ASAP1: variants seen among roughly 807,000 people sequenced by gnomAD.
The protein encoded by ASAP1 is ArfGAP with SH3 domain, ankyrin repeat and PH domain 1, also known as arf-GAP with SH3 domain, ANK repeat and PH domain-containing protein 1.
In ASAP1, 43 loss-of-function variants were observed where a neutral mutation model predicts 145.2. The ratio of observed to expected loss-of-function variants is 0.30; its 90% CI spans 0.23 to 0.38. The LOEUF is 0.38. Ranked by LOEUF, ASAP1 falls within the 10% of genes least tolerant of loss-of-function variation. The pLI, the probability that ASAP1 is intolerant of heterozygous loss-of-function variation, is 1.00. For synonymous variants in ASAP1, 546 were observed against 515.5 expected (o/e 1.06, Z -0.80); for missense variants, 1,018 against 1,355.3 (o/e 0.75, Z 3.91).
At chr8:130,204,777 A>T (rs1034139051) in intron 5 of ASAP1, among the ~76,000 whole-genome samples, 3 of 152,206 alleles carry the variant, frequency 2.0e-5, no homozygotes, top group Non-Finnish European at 4.4e-5. Context: ...ATGTCACACG[A>T]GAAGAAAATA....
chr8:130,260,847 T>C (rs1404409188), intron 3 of ASAP1, among the ~76,000 whole-genome samples: 2 of 152,198 alleles, frequency 1.3e-5, no homozygotes, highest in African/African-American at 4.8e-5. Context: ...CTGAAGATTT[T>C]TGGGAGAAAG....
intron 3 of ASAP1, among the ~76,000 whole-genome samples, chr8:130,296,550 C>T (rs2137364973): frequency 6.7e-6 from 1 of 149,450 alleles, no homozygotes; most frequent in South Asian, 2.1e-4. Flanking sequence ...CCATGTTTTG[C>T]CCTGCTGAGG....
chr8:130,105,766 G>A (rs750525219), intron 24 of ASAP1, among the ~76,000 whole-genome samples: 1 of 152,198 alleles, frequency 6.6e-6, no homozygotes, highest in Non-Finnish European at 1.5e-5. Flanking sequence ...GGACACTAGT[G>A]TAAGTCAGCA....
chr8:130,072,830 C>CGCACGCGCGCGCG (rs1448184178), intron 27 of ASAP1, among the ~76,000 whole-genome samples: 1 of 31,922 alleles, frequency 3.1e-5, no homozygotes, highest in East Asian at 1.6e-3. Flanking sequence ...TGTGTGCGCG[C>CGCACGCGCGCGCG]GGGGGGGGGC....
chr8:130,080,123 C>T (rs2097475725), intron 25 of ASAP1, 152 bp from the exon 26 acceptor site: 2 of 679,664 alleles, frequency 2.9e-6, no homozygotes, highest in Non-Finnish European at 5.2e-6. Context: ...TGGCCTAAGA[C>T]CAAAACAAAA....
intron 2 of ASAP1, among the ~76,000 whole-genome samples, chr8:130,399,481 G>T (rs1828678422): frequency 2.0e-5 from 3 of 152,034 alleles, no homozygotes; most frequent in Non-Finnish European, 2.9e-5. Flanking sequence ...ATGACTTTGG[G>T]TAATCCTATA....
intron 2 of ASAP1, among the ~76,000 whole-genome samples, chr8:130,374,034 TAAAAAAAAAAAA>T (rs34199624): frequency 1.1e-5 from 1 of 94,402 alleles, no homozygotes; most frequent in Non-Finnish European, 2.0e-5. Flanking sequence ...TAACTCCCTT[TAAAAAAAAAAAA>T]AAAAAAAAAA....
At chr8:130,267,468 G>A (rs1181812995) in intron 3 of ASAP1, among the ~76,000 whole-genome samples, 1 of 152,110 alleles carries the variant, frequency 6.6e-6, no homozygotes, top group African/African-American at 2.4e-5. Flanking sequence ...CAATGAGATG[G>A]GAATAAGAAT....
chr8:130,106,124 G>A (rs867769260), intron 24 of ASAP1, among the ~76,000 whole-genome samples: 2 of 152,082 alleles, frequency 1.3e-5, no homozygotes, highest in African/African-American at 2.4e-5. Context: ...GGTGATTCAC[G>A]TGCAATGCCT....
At chr8:130,154,845 A>G (rs998633848) in intron 12 of ASAP1, among the ~76,000 whole-genome samples, 1 of 152,234 alleles carries the variant, frequency 6.6e-6, no homozygotes, top group African/African-American at 2.4e-5. Context: ...ACTAATTGAT[A>G]AACCATCCTC....
At chr8:130,287,581 A>G (rs1050569020) in intron 3 of ASAP1, among the ~76,000 whole-genome samples, 1 of 152,190 alleles carries the variant, frequency 6.6e-6, no homozygotes, top group Non-Finnish European at 1.5e-5. Context: ...CATAAAGCCT[A>G]ACCCACAAAG....
chr8:130,169,382 C>T (rs1400870513), intron 9 of ASAP1, among the ~76,000 whole-genome samples: 1 of 152,150 alleles, frequency 6.6e-6, no homozygotes, highest in Non-Finnish European at 1.5e-5. Flanking sequence ...TGCATCTATA[C>T]ATAGAACAGT....
intron 3 of ASAP1, among the ~76,000 whole-genome samples, chr8:130,349,434 A>T (rs1825872326): frequency 6.6e-6 from 1 of 152,198 alleles, no homozygotes; most frequent in Non-Finnish European, 1.5e-5. Context: ...TAATAAGAAC[A>T]ATCATTTATA....
At chr8:130,203,919 T>A (rs1442001911) in intron 5 of ASAP1, among the ~76,000 whole-genome samples, 2 of 152,234 alleles carry the variant, frequency 1.3e-5, no homozygotes, top group East Asian at 1.9e-4. Flanking sequence ...TGCTGTTTTT[T>A]AAATCAATAC....
rs142345704 is a variant in ASAP1 at position 130,341,817 on chromosome 8, T to C, written c.186+16200A>G. On this transcript the variant is annotated intron_variant, in intron 3 of 29. Transcript: ENST00000518721. ...AAGAGAAACAGGAAAAGCATTTATTTATATAATTATTTATTAACAAATAAG... is the reference window on the plus strand; with the variant it reads ...AAGAGAAACAGGAAAAGCATTTATTCATATAATTATTTATTAACAAATAAG... 3.3e-5 allele frequency among the ~76,000 whole-genome samples: 5 copies of C among 152,288 alleles called. No individual in the cohort carries two copies. In the East Asian group the frequency reaches 9.6e-4, roughly 29 times the overall value.
intron 3 of ASAP1, among the ~76,000 whole-genome samples, chr8:130,243,043 G>A (rs1203908841): frequency 6.6e-6 from 1 of 152,028 alleles, no homozygotes. Flanking sequence ...TGTGCTAGAC[G>A]CTTCAACAGG....
At chr8:130,376,043 C>T (rs563144172) in intron 2 of ASAP1, among the ~76,000 whole-genome samples, 36 of 152,304 alleles carry the variant, frequency 2.4e-4, no homozygotes, top group African/African-American at 8.2e-4. Context: ...ACAACAACAA[C>T]AAAAAGACAT....
chr8:130,213,605 G>A (rs1816714839), intron 5 of ASAP1, among the ~76,000 whole-genome samples: 1 of 152,168 alleles, frequency 6.6e-6, no homozygotes, highest in African/African-American at 2.4e-5. Context: ...CCAAGAGACT[G>A]GGAGAGAAGA....
chr8:130,076,357 G>A lies in ASAP1; in HGVS notation c.2692C>T (p.Pro898Ser). 6.2e-7 allele frequency: 1 copy of A among 1,610,436 alleles called. No individual in the cohort carries two copies. The highest frequency in any genetic ancestry group is 8.5e-7 in the Non-Finnish European group (1 of 1,178,028). The change falls in exon 27 of 30, where the codon CCT becomes TCT. Residue 898 changes from proline (P) to serine (S), a missense_variant. Physicochemically the swap from Pro to Ser is moderately conservative, Grantham distance 74. Around this residue, in one of 9 missense-constraint regions of ASAP1, gnomAD observed 38 missense variants for 77.2 expected, o/e 0.49. Transcript: ENST00000518721. ...ALGPRVLPKL[P>S]QKVALRKTDH... ...AAATGATAGATCTTACCTTTCTGAG[G>A]TAGTTTAGGAAGAACTCTTGGGCCA...
Sources: allele counts gnomAD v4.1 joint callset (sites outside exome capture counted in the v4.1 genomes callset), GRCh38; gene constraint gnomAD v4.1.1; regional missense constraint gnomAD v4.1.1; transcripts MANE v1.5; gene names NCBI Gene and HGNC (gene_info 2026-07-23, HGNC 2026-07-21).